GRIA4: variants seen among roughly 807,000 people sequenced by gnomAD.
The protein encoded by GRIA4 is glutamate receptor 4.
GRIA4 carries 34 observed loss-of-function variants against 104.0 expected under a neutral mutation model. The ratio of observed to expected loss-of-function variants is 0.33; its 90% CI spans 0.25 to 0.44. The LOEUF (loss-of-function observed/expected upper bound fraction) is 0.44. GRIA4 is among the 20% of genes least tolerant of loss of function. GRIA4 has a pLI of 1.00. For synonymous variants in GRIA4, 386 were observed against 381.9 expected (o/e 1.01, Z -0.13); for missense variants, 750 against 1,096.5 (o/e 0.68, Z 4.46).
intron 3 of GRIA4, among the ~76,000 whole-genome samples, chr11:105,721,924 T>C (rs1284375192): frequency 6.6e-6 from 1 of 152,174 alleles, no homozygotes; most frequent in Non-Finnish European, 1.5e-5. Flanking sequence ...TTTTCTTGAC[T>C]ATAATGGTAG....
intron 3 of GRIA4, among the ~76,000 whole-genome samples, chr11:105,699,922 T>G (rs993751104): frequency 1.3e-5 from 2 of 152,200 alleles, no homozygotes. Context: ...TGTCTTCAAC[T>G]ACTAAAAGCC....
chr11:105,634,301 T>G (rs1409104270), intron 3 of GRIA4, among the ~76,000 whole-genome samples: 1 of 147,232 alleles, frequency 6.8e-6, no homozygotes, highest in African/African-American at 2.5e-5. Flanking sequence ...GAGCCAGGAC[T>G]GTGCTATTGC....
At chr11:105,610,767 G>T in intron 1 of GRIA4, 141 bp from the exon 2 acceptor site, 1 of 502,950 alleles carries the variant, frequency 2.0e-6, no homozygotes, top group East Asian at 3.4e-5. Flanking sequence ...TATGGAGACT[G>T]CGGGAAAAAT....
chr11:105,845,016 G>C (rs1163880642), intron 4 of GRIA4, among the ~76,000 whole-genome samples: 1 of 152,218 alleles, frequency 6.6e-6, no homozygotes, highest in Admixed American at 6.5e-5. Flanking sequence ...ATCTATTGCT[G>C]TATAACAATT....
intron 4 of GRIA4, among the ~76,000 whole-genome samples, chr11:105,860,038 A>T (rs754453215): frequency 4.6e-5 from 7 of 152,168 alleles, no homozygotes; most frequent in Non-Finnish European, 7.3e-5. Flanking sequence ...GTAAGATTTG[A>T]AAAGATAATT....
At chr11:105,668,512 C>A (rs1434447059) in intron 3 of GRIA4, among the ~76,000 whole-genome samples, 1 of 151,262 alleles carries the variant, frequency 6.6e-6, no homozygotes, top group Non-Finnish European at 1.5e-5. Context: ...AGGTATACAC[C>A]CAACAGAGGG....
chr11:105,754,446 G>A (rs889402901), intron 4 of GRIA4, among the ~76,000 whole-genome samples: 5 of 152,172 alleles, frequency 3.3e-5, no homozygotes, highest in Non-Finnish European at 7.3e-5. Context: ...GAAGGGCCAT[G>A]ACGATGATAG....
chr11:105,962,249 T>G (rs992116927), intron 14 of GRIA4, among the ~76,000 whole-genome samples: 1 of 152,118 alleles, frequency 6.6e-6, no homozygotes, highest in African/African-American at 2.4e-5. Flanking sequence ...TATAATTTAA[T>G]GATAAGTTAT....
chr11:105,633,895 A>G (rs1951105013), intron 3 of GRIA4, among the ~76,000 whole-genome samples: 1 of 152,182 alleles, frequency 6.6e-6, no homozygotes. Flanking sequence ...GACTTTTAGA[A>G]CTAACCTGGT....
chr11:105,702,944 C>A (rs1463995285), intron 3 of GRIA4, among the ~76,000 whole-genome samples: 1 of 152,120 alleles, frequency 6.6e-6, no homozygotes, highest in East Asian at 1.9e-4. Flanking sequence ...ATCTGCCCAT[C>A]TCAGCCTCCC....
intron 3 of GRIA4, among the ~76,000 whole-genome samples, chr11:105,652,816 C>G (rs2135386707): frequency 6.6e-6 from 1 of 152,290 alleles, no homozygotes. Context: ...ATACACTATG[C>G]TTGGATTTAT....
At chr11:105,632,481 G>A (rs895071004) in intron 3 of GRIA4, among the ~76,000 whole-genome samples, 1 of 152,128 alleles carries the variant, frequency 6.6e-6, no homozygotes, top group Non-Finnish European at 1.5e-5. Flanking sequence ...AGCAAGGCCT[G>A]GATTCAGCAC....
chr11:105,946,804 G>A (rs944188948), intron 14 of GRIA4, among the ~76,000 whole-genome samples: 2 of 151,954 alleles, frequency 1.3e-5, no homozygotes, highest in Non-Finnish European at 2.9e-5. Flanking sequence ...GGACACTTGG[G>A]ACTCAAGAAG....
chr11:105,957,854 T>C (rs1948632677), intron 14 of GRIA4, among the ~76,000 whole-genome samples: 1 of 152,160 alleles, frequency 6.6e-6, no homozygotes, highest in Non-Finnish European at 1.5e-5. Context: ...TTCCTAGGTA[T>C]TTTATTCTCT....
At chr11:105,750,122 G>A (rs1227428979) in intron 3 of GRIA4, among the ~76,000 whole-genome samples, 1 of 151,990 alleles carries the variant, frequency 6.6e-6, no homozygotes, top group East Asian at 1.9e-4. Context: ...ATTCAGCCAA[G>A]CAAAATTTTG....
At chr11:105,671,528 A>T (rs991944596) in intron 3 of GRIA4, among the ~76,000 whole-genome samples, 12 of 151,406 alleles carry the variant, frequency 7.9e-5, no homozygotes, top group Non-Finnish European at 1.3e-4. Flanking sequence ...AATACAAAAA[A>T]TTAGCTGGGT....
intron 3 of GRIA4, chr11:105,706,521 ATTG>A (rs1225385038): frequency 6.5e-6 from 1 of 153,232 alleles, no homozygotes; most frequent in African/African-American, 2.4e-5. Context: ...TGGTGTGATC[ATTG>A]GAAAGTCAAT....
At chr11:105,864,592 C>T (rs1403028453) in intron 5 of GRIA4, among the ~76,000 whole-genome samples, 3 of 152,048 alleles carry the variant, frequency 2.0e-5, no homozygotes, top group African/African-American at 4.8e-5. Context: ...TTTCTATGGC[C>T]GGGCATGGTG....
At chr11:105,737,802 A>G (rs146309142) in intron 3 of GRIA4, among the ~76,000 whole-genome samples, 11 of 152,298 alleles carry the variant, frequency 7.2e-5, no homozygotes, top group African/African-American at 2.2e-4. Flanking sequence ...CTTTGGAAGC[A>G]GATGTAGGTT....
Sources: gnomAD v4.1 joint callset for allele counts (sites outside exome capture counted in the v4.1 genomes callset) on GRCh38, gnomAD v4.1.1 for gene constraint, MANE v1.5 for transcripts, NCBI Gene and HGNC (gene_info 2026-07-23, HGNC 2026-07-21) for gene names.